Variants in KIFBP observed in about 807,000 individuals in gnomAD.
KIFBP encodes the protein kinesin family binding protein.
KIFBP carries 46 observed loss-of-function variants against 58.9 expected under a neutral mutation model. The ratio of observed to expected loss-of-function variants is 0.78; its 90% CI spans 0.62 to 1.00. The LOEUF is 1.00. KIFBP is among the 50% of genes least tolerant of loss of function. The pLI is 0.00. For missense variants in KIFBP, 651 were observed against 752.9 expected (o/e 0.86, Z 1.58); for synonymous variants, 241 against 283.4 (o/e 0.85, Z 1.50).
At position 69,011,027 on chromosome 10, in the gene KIFBP, A is replaced by G. The variant is rs1843584463; in HGVS notation, c.990+12A>G. 1 of 1,578,038 alleles carries G rather than the reference A, an allele frequency of 6.3e-7. No homozygotes were observed. The highest frequency in any genetic ancestry group is 1.1e-5 in the South Asian group (1 of 90,386). On this transcript the variant is annotated intron_variant, in intron 6 of 6. Coordinates refer to ENST00000361983, the MANE Select transcript of KIFBP (RefSeq NM_015634.4). ...AACTCTCCATGCAGGTAATGCAGTC[A>G]GAAGCTGCCTTTTTCTTTCTTAAAT... is the stretch of plus-strand genomic sequence containing the variant.
intron 1 of KIFBP, among the ~76,000 whole-genome samples, chr10:68,992,648 G>A (rs923676914): frequency 6.6e-6 from 1 of 152,134 alleles, no homozygotes; most frequent in Non-Finnish European, 1.5e-5. Context: ...TTTGGGGTAA[G>A]TTTATATTTT....
At chr10:68,994,950 C>G (rs1426851945) in intron 1 of KIFBP, among the ~76,000 whole-genome samples, 1 of 151,858 alleles carries the variant, frequency 6.6e-6, no homozygotes, top group Non-Finnish European at 1.5e-5. Flanking sequence ...GTTGCCTAGG[C>G]TGGCCTCAAA....
chr10:68,999,414 A>T (rs12778721), intron 1 of KIFBP, among the ~76,000 whole-genome samples: 17,171 of 133,152 alleles, frequency 0.13, 1,186 homozygotes, highest in Admixed American at 0.2. Context: ...TTTTTTTTTT[A>T]AAAAAAAAGT....
At chr10:69,002,511 C>T (rs538021052) in intron 2 of KIFBP, among the ~76,000 whole-genome samples, 22 of 152,066 alleles carry the variant, frequency 1.4e-4, no homozygotes, top group Non-Finnish European at 2.8e-4. Flanking sequence ...AGCAGAGTGC[C>T]ACAAAACCAA....
chr10:69,007,342 A>G lies in KIFBP; in HGVS notation c.789+1427A>G, dbSNP rs530383530. Among the ~76,000 whole-genome samples, 7 of 152,312 alleles carry G rather than the reference A, an allele frequency of 4.6e-5. 1 individual carries two copies. The highest frequency in any genetic ancestry group is 2.0e-4 in the Admixed American group (3 of 15,286). On this transcript the variant is annotated intron_variant, in intron 4 of 6. Coordinates refer to ENST00000361983, the MANE Select transcript of KIFBP (RefSeq NM_015634.4). ...ATTTGAACCATGTTTTTAAAAATGC[A>G]ATTGTCATTTATATCATTGTCATCT... is the stretch of plus-strand genomic sequence containing the variant.
chr10:68,989,151 G>A lies in KIFBP; in HGVS notation c.319G>A (p.Asp107Asn), dbSNP rs745948039. 6 of 1,613,198 alleles carry A rather than the reference G, an allele frequency of 3.7e-6. No individual in the cohort carries two copies. The highest frequency in any genetic ancestry group is 2.2e-5 in the East Asian group (1 of 44,876). The change falls in exon 1 of 7, where the codon GAC becomes AAC. Residue 107 changes from aspartate to asparagine, a missense_variant. Coordinates refer to ENST00000361983, the MANE Select transcript of KIFBP (RefSeq NM_015634.4). ...GTTCCACCTCGGGGTGAACCACATC[G>A]ACACGGAGGAGCTGTCGGCGGGGGA... ...IEFHLGVNHI[D>N]TEELSAGEEH...
intron 6 of KIFBP, among the ~76,000 whole-genome samples, chr10:69,014,228 T>C (rs532143592): frequency 9.8e-5 from 15 of 152,332 alleles, no homozygotes; most frequent in African/African-American, 3.6e-4. Flanking sequence ...GAACCTAGCC[T>C]TTAACTTCAT....
intron 1 of KIFBP, chr10:68,989,541 A>C (rs1477053527): frequency 1.1e-5 from 6 of 552,634 alleles, no homozygotes; most frequent in African/African-American, 1.9e-5. Flanking sequence ...AGACGTGGCG[A>C]TGCATTGGTG....
intron 1 of KIFBP, among the ~76,000 whole-genome samples, chr10:68,992,322 C>A (rs1487630343): frequency 6.6e-6 from 1 of 152,048 alleles, no homozygotes; most frequent in Non-Finnish European, 1.5e-5. Flanking sequence ...GACTTTTCAT[C>A]TTTTTATGTG....
At chr10:68,990,896 A>G (rs556300622) in intron 1 of KIFBP, among the ~76,000 whole-genome samples, 1 of 152,292 alleles carries the variant, frequency 6.6e-6, no homozygotes, top group Admixed American at 6.5e-5. Context: ...AACAGTACAC[A>G]ATTATTAAAA....
chr10:68,998,071 A>G (rs1370507608), intron 1 of KIFBP, among the ~76,000 whole-genome samples: 1 of 152,070 alleles, frequency 6.6e-6, no homozygotes, highest in Non-Finnish European at 1.5e-5. Context: ...ATCTAGTCTC[A>G]GGTAGTTCTT....
Position 69,015,733 on chromosome 10 carries a change from C to A in KIFBP, c.1183C>A (p.Leu395Ile). 6 of 1,614,182 alleles carry A rather than the reference C, an allele frequency of 3.7e-6. No individual in the cohort carries two copies. Among genetic ancestry groups the A allele is most frequent in the Non-Finnish European group, 5.1e-6 (6 of 1,180,026 alleles). The change falls in exon 7 of 7, where the codon CTT becomes ATT. Residue 395 changes from leucine (L) to isoleucine (I), a missense_variant. By Grantham distance (5) the Leu-to-Ile change is conservative. Transcript: ENST00000361983. ...RPLDFEEARE[L>I]FLLGQHYVFE... ...TTTAGATTTTGAAGAAGCCAGAGAA[C>A]TTTTCTTATTGGGTCAGCACTATGT...
rs754635669 is a variant in KIFBP, at chr10:69,016,439, A to G, written c.*23A>G. ...TAATCCTTGTTTTTAAAGAAAGGAAATGTGCAATATTGAAGTGATCTTTTT... is the reference window on the plus strand; with the variant it reads ...TAATCCTTGTTTTTAAAGAAAGGAAGTGTGCAATATTGAAGTGATCTTTTT... On this transcript the variant is annotated 3_prime_UTR_variant, in exon 7 of 7. Transcript: ENST00000361983. 1.2e-6 allele frequency: 2 copies of G among 1,612,048 alleles called. No homozygotes were observed. Among genetic ancestry groups the G allele is most frequent in the East Asian group, 4.5e-5 (2 of 44,892 alleles).
At chr10:68,990,540 TCAA>T (rs1843331005) in intron 1 of KIFBP, among the ~76,000 whole-genome samples, 1 of 152,120 alleles carries the variant, frequency 6.6e-6, no homozygotes, top group Non-Finnish European at 1.5e-5. Context: ...AGACCTTTTC[TCAA>T]CAACAACAAA....
At chr10:69,002,910 T>C (rs1843484770) in intron 2 of KIFBP, among the ~76,000 whole-genome samples, 1 of 142,958 alleles carries the variant, frequency 7.0e-6, no homozygotes, top group East Asian at 2.2e-4. Context: ...CAAAAATAAG[T>C]AAAATAAAAT....
chr10:68,988,851 G>C lies in KIFBP; in HGVS notation c.19G>C (p.Ala7Pro). 6.2e-7 allele frequency: 1 copy of C among 1,614,278 alleles called. No homozygotes were observed. The highest frequency in any genetic ancestry group is 8.5e-7 in the Non-Finnish European group (1 of 1,180,052). Residue 7 changes from alanine to proline, a missense_variant, in exon 1 of 7, where the codon GCA becomes CCA. By Grantham distance (27) the Ala-to-Pro change is conservative (BLOSUM62 -1). Transcript: ENST00000361983. Reference protein sequence around the residue: MANVPWAEVCEKFQAAL... With the variant: MANVPWPEVCEKFQAAL... ...GGCCGCTATGGCGAACGTTCCGTGGGCAGAGGTCTGCGAGAAATTCCAGGC... is the reference window on the plus strand; with the variant it reads ...GGCCGCTATGGCGAACGTTCCGTGGCCAGAGGTCTGCGAGAAATTCCAGGC...
chr10:69,010,112 G>A (rs1418766135), intron 5 of KIFBP, among the ~76,000 whole-genome samples: 1 of 152,116 alleles, frequency 6.6e-6, no homozygotes, highest in Non-Finnish European at 1.5e-5. Context: ...GTAATATCGT[G>A]AGATATTATT....
intron 3 of KIFBP, 44 bp downstream of exon 3, chr10:69,005,169 T>TGTGG: frequency 7.4e-7 from 1 of 1,356,708 alleles, no homozygotes; most frequent in Non-Finnish European, 1.1e-6. Context: ...TTTCCACATA[T>TGTGG]CATAGATTAG....
chr10:68,995,928 C>G (rs1198628307), intron 1 of KIFBP, among the ~76,000 whole-genome samples: 1 of 151,804 alleles, frequency 6.6e-6, no homozygotes, highest in South Asian at 2.1e-4. Context: ...GAGGCCAAGG[C>G]GGGTGGATCA....
Sources: gnomAD v4.1 joint callset for allele counts (sites outside exome capture counted in the v4.1 genomes callset) on GRCh38, gnomAD v4.1.1 for gene constraint, MANE v1.5 for transcripts, NCBI Gene and HGNC (gene_info 2026-07-23, HGNC 2026-07-21) for gene names.